EEA1: variants seen among roughly 807,000 people sequenced by gnomAD.
The protein encoded by EEA1 is early endosome antigen 1, 162kD.
EEA1 carries 111 observed loss-of-function variants against 209.2 expected under a neutral mutation model. The observed-to-expected ratio is 0.53, with a 90% CI of 0.45 to 0.62. EEA1 has a LOEUF of 0.62. EEA1 is among the 20% of genes least tolerant of loss of function. The pLI is 0.00. For missense variants in EEA1, 1,343 were observed against 1,530.8 expected (o/e 0.88, Z 2.05); for synonymous variants, 536 against 540.6 (o/e 0.99, Z 0.12).
chr12:92,779,427 G>A, intron 24 of EEA1, 127 bp from the exon 25 acceptor site: 1 of 830,080 alleles, frequency 1.2e-6, no homozygotes, highest in Non-Finnish European at 1.7e-6. Flanking sequence ...AATTCTTAAA[G>A]TTCAGTATTT....
chr12:92,780,136 G>T, intron 24 of EEA1, 144 bp downstream of exon 24: 1 of 812,638 alleles, frequency 1.2e-6, no homozygotes, highest in Non-Finnish European at 1.8e-6. Context: ...AAGCACTCTG[G>T]CAAGAGTATT....
chr12:92,804,470 G>A (rs1404383817), intron 18 of EEA1, among the ~76,000 whole-genome samples: 2 of 151,238 alleles, frequency 1.3e-5, no homozygotes, highest in African/African-American at 4.9e-5. Flanking sequence ...TACTCGTGAG[G>A]CTGAAGCAGG....
chr12:92,906,704 C>A (rs1474413306), intron 1 of EEA1, among the ~76,000 whole-genome samples: 1 of 151,952 alleles, frequency 6.6e-6, no homozygotes, highest in African/African-American at 2.4e-5. Flanking sequence ...GTCCCAGCTA[C>A]TGGGGAGGCT....
chr12:92,881,795 AATGAT>A (rs930559175), intron 2 of EEA1, among the ~76,000 whole-genome samples: 3 of 152,190 alleles, frequency 2.0e-5, no homozygotes, highest in African/African-American at 4.8e-5. Context: ...AAAACAATGA[AATGAT>A]ATAAAATATC....
chr12:92,891,863 G>T, intron 1 of EEA1, 142 bp from the exon 2 acceptor site: 1 of 562,034 alleles, frequency 1.8e-6, no homozygotes, highest in East Asian at 2.9e-5. Context: ...TATCATTTAT[G>T]GAAGAGTGTA....
At chr12:92,895,016 T>G (rs1439193343) in intron 1 of EEA1, among the ~76,000 whole-genome samples, 2 of 152,204 alleles carry the variant, frequency 1.3e-5, no homozygotes, top group African/African-American at 2.4e-5. Flanking sequence ...AATGATCATT[T>G]ATACCGTTCT....
intron 1 of EEA1, among the ~76,000 whole-genome samples, chr12:92,899,452 CT>C (rs1286684855): frequency 6.6e-6 from 1 of 152,236 alleles, no homozygotes; most frequent in Admixed American, 6.5e-5. Flanking sequence ...GAGGTTTCCA[CT>C]TTCTAGACAA....
intron 22 of EEA1, among the ~76,000 whole-genome samples, chr12:92,787,210 AAG>A (rs1336073668): frequency 6.6e-6 from 1 of 152,154 alleles, no homozygotes; most frequent in Non-Finnish European, 1.5e-5. Flanking sequence ...CCTTAACAAA[AAG>A]AGAGACAGAA....
chr12:92,799,261 T>C (rs1874793622), intron 20 of EEA1, among the ~76,000 whole-genome samples, 175 bp from the exon 21 acceptor site: 1 of 152,240 alleles, frequency 6.6e-6, no homozygotes, highest in African/African-American at 2.4e-5. Context: ...GGCTGTTGGC[T>C]ACAGATAATT....
chr12:92,811,004 C>A (rs1875469837), intron 17 of EEA1, among the ~76,000 whole-genome samples: 1 of 151,944 alleles, frequency 6.6e-6, no homozygotes, highest in Admixed American at 6.6e-5. Context: ...AGAGTAGATA[C>A]CTGGTTATCT....
In EEA1 at chr12:92,798,904, A is replaced by G; in HGVS notation, c.2955T>C (p.Ala985=). 6.3e-7 allele frequency: 1 copy of G among 1,587,658 alleles called. No individual in the cohort carries two copies. Among genetic ancestry groups the G allele is most frequent in the Non-Finnish European group, 8.5e-7 (1 of 1,172,592 alleles). Residue 985 remains alanine (A), a synonymous_variant, in exon 21 of 29, where the codon GCT becomes GCC. Transcript: ENST00000322349. The part of the protein sequence containing the change: ...IEALQGELKI[A]VLQKTELENK... Reference sequence around the variant, plus strand: ...AATATATCACTACCTTCTGTAAAACAGCAATTTTAAGCTCTCCTTGGAGTG... The same window carrying G: ...AATATATCACTACCTTCTGTAAAACGGCAATTTTAAGCTCTCCTTGGAGTG...
At chr12:92,851,076 T>G in intron 9 of EEA1, 35 bp downstream of exon 9, 2 of 1,605,542 alleles carry the variant, frequency 1.2e-6, no homozygotes, top group Non-Finnish European at 1.7e-6. Context: ...CACAAGCTAA[T>G]ATGAATCACA....
At position 92,832,869 on chromosome 12, in the gene EEA1, AATTT is replaced by A. The variant is rs751350320; in HGVS notation, c.916-23_916-20del. ...TCAAGGTCTAAAATATCAATTTAAC[AATTT>A]ATTTCCTTTTCTAATATTTTTAATT... On this transcript the variant is annotated intron_variant, in intron 10 of 28. Coordinates refer to ENST00000322349, the MANE Select transcript of EEA1 (RefSeq NM_003566.4). 11 of 1,544,538 alleles carry A rather than the reference AATTT, an allele frequency of 7.1e-6. No individual in the cohort carries two copies. The highest frequency in any genetic ancestry group is 8.8e-6 in the Non-Finnish European group (10 of 1,141,576).
At chr12:92,794,268 T>C (rs940186641) in intron 21 of EEA1, among the ~76,000 whole-genome samples, 3 of 152,182 alleles carry the variant, frequency 2.0e-5, no homozygotes, top group African/African-American at 7.2e-5. Context: ...AGGAACACTT[T>C]TACACTGTTG....
intron 1 of EEA1, among the ~76,000 whole-genome samples, chr12:92,928,699 A>T (rs1005322650): frequency 6.6e-6 from 1 of 152,012 alleles, no homozygotes; most frequent in Non-Finnish European, 1.5e-5. Flanking sequence ...GGCCCGTCCC[A>T]CGGGCACCAA....
chr12:92,820,310 C>T (rs1322828546), intron 13 of EEA1, among the ~76,000 whole-genome samples: 2 of 152,178 alleles, frequency 1.3e-5, no homozygotes, highest in Non-Finnish European at 2.9e-5. Flanking sequence ...TACTTTCACA[C>T]CACTCTGCTG....
intron 22 of EEA1, among the ~76,000 whole-genome samples, chr12:92,783,263 T>C (rs1387710467): frequency 6.6e-6 from 1 of 152,188 alleles, no homozygotes; most frequent in Middle Eastern, 3.2e-3. Context: ...AGGGAGATAC[T>C]GTCAGAATTA....
At chr12:92,803,060 A>G (rs1022657794) in intron 18 of EEA1, among the ~76,000 whole-genome samples, 7 of 152,084 alleles carry the variant, frequency 4.6e-5, no homozygotes, top group African/African-American at 1.4e-4. Context: ...CCTCTACTCT[A>G]TAACAGCCAG....
At chr12:92,884,859 A>G (rs1318875595) in intron 2 of EEA1, among the ~76,000 whole-genome samples, 1 of 152,204 alleles carries the variant, frequency 6.6e-6, no homozygotes, top group East Asian at 1.9e-4. Context: ...GGTATGGGCA[A>G]AAAACTCGAG....
Sources: gnomAD v4.1 joint callset for allele counts (sites outside exome capture counted in the v4.1 genomes callset) on GRCh38, gnomAD v4.1.1 for gene constraint, MANE v1.5 for transcripts, NCBI Gene and HGNC (gene_info 2026-07-23, HGNC 2026-07-21) for gene names.